Variants in SLC28A1 observed in about 807,000 individuals in gnomAD.
SLC28A1 encodes sodium/nucleoside cotransporter 1.
Under a neutral mutation model 74.8 loss-of-function variants are expected in SLC28A1, and 64 were observed. That is an observed-to-expected ratio of 0.86 (90% confidence interval 0.70 to 1.05). The LOEUF (loss-of-function observed/expected upper bound fraction) is 1.05. SLC28A1 is among the 50% of genes least tolerant of loss of function. The pLI is 0.00. For missense variants in SLC28A1, 828 were observed against 822.8 expected (o/e 1.01, Z -0.08); for synonymous variants, 359 against 335.0 (o/e 1.07, Z -0.78).
chr15:84,891,361 C>A (rs571362268), intron 5 of SLC28A1, among the ~76,000 whole-genome samples: 1 of 152,242 alleles, frequency 6.6e-6, no homozygotes, highest in East Asian at 1.9e-4. Flanking sequence ...GCCCCAGGGG[C>A]CTGCTCGGGT....
the SLC28A1 span, among the ~76,000 whole-genome samples, chr15:84,970,441 T>C: frequency 6.6e-6 from 1 of 151,944 alleles, no homozygotes; most frequent in East Asian, 1.9e-4. Context: ...ATGGGAAGGG[T>C]CTATACAGGA....
At chr15:84,895,166 A>C (rs8187753) in intron 6 of SLC28A1, 43 bp downstream of exon 6, 653,060 of 1,607,412 alleles carry the variant, frequency 0.41, 138,802 homozygotes, top group East Asian at 0.67. Context: ...GGGAGGGCCC[A>C]TGAGCTGAGG....
intron 1 of SLC28A1, chr15:84,886,450 T>G: frequency 2.0e-6 from 2 of 985,230 alleles, no homozygotes; most frequent in Non-Finnish European, 2.4e-6. Flanking sequence ...CTGGAAGAGG[T>G]CAGTTTGGGA....
intron 1 of SLC28A1, chr15:84,886,357 G>A: frequency 1.0e-6 from 1 of 985,314 alleles, no homozygotes; most frequent in Non-Finnish European, 1.2e-6. Flanking sequence ...CAGCCTGGCT[G>A]GGGAAAGGAG....
chr15:84,920,543 C>T (rs756978400), intron 10 of SLC28A1, among the ~76,000 whole-genome samples: 3 of 152,112 alleles, frequency 2.0e-5, no homozygotes, highest in Non-Finnish European at 4.4e-5. Flanking sequence ...TCTAGTTCCA[C>T]AGCATGTTAG....
At chr15:84,925,904 T>C (rs1289007122) in intron 12 of SLC28A1, among the ~76,000 whole-genome samples, 1 of 152,018 alleles carries the variant, frequency 6.6e-6, no homozygotes, top group East Asian at 1.9e-4. Context: ...TTCTAAGTGA[T>C]ATGAAACCCT....
chr15:84,910,947 G>A (rs1968110862), intron 9 of SLC28A1, among the ~76,000 whole-genome samples: 1 of 152,210 alleles, frequency 6.6e-6, no homozygotes, highest in African/African-American at 2.4e-5. Flanking sequence ...AGCTAGGCAG[G>A]AAGAGGAAAT....
chr15:84,885,460 G>A (rs531341976), intron 1 of SLC28A1, among the ~76,000 whole-genome samples: 32 of 151,784 alleles, frequency 2.1e-4, no homozygotes, highest in African/African-American at 7.2e-4. Context: ...GGCCAGGCGC[G>A]GTGGCTCATG....
chr15:84,945,341 T>G lies in SLC28A1; in HGVS notation c.*141T>G, dbSNP rs8025045. 659,636 of 750,166 alleles carry G rather than the reference T, an allele frequency of 0.88. 290,566 individuals carry two copies. Among genetic ancestry groups the G allele is most frequent in the East Asian group, 0.96 (35,648 of 37,182 alleles). The allele number at this position is 750,166 out of a possible 1,614,324, so 46.5% of individuals were successfully genotyped here. On this transcript the variant is annotated 3_prime_UTR_variant, in exon 19 of 19. Transcript: ENST00000394573. ...AGCTCAATCCCACAATTGGGAAGGGTTCATGGAGTGAGTGTGCAGAGAGTG... is the reference window on the plus strand; with the variant it reads ...AGCTCAATCCCACAATTGGGAAGGGGTCATGGAGTGAGTGTGCAGAGAGTG...
the SLC28A1 span, among the ~76,000 whole-genome samples, chr15:84,962,903 C>A: frequency 6.6e-6 from 1 of 152,166 alleles, no homozygotes; most frequent in African/African-American, 2.4e-5. Context: ...GAGCACAGAG[C>A]TTTCGCCCCT....
At chr15:84,899,873 T>C (rs1461825923) in intron 6 of SLC28A1, among the ~76,000 whole-genome samples, 12 of 141,534 alleles carry the variant, frequency 8.5e-5, no homozygotes, top group Non-Finnish European at 1.4e-4. Flanking sequence ...GCCTGGGCGA[T>C]AGAGGGAGAT....
intron 3 of SLC28A1, among the ~76,000 whole-genome samples, chr15:84,888,270 C>T (rs938979419): frequency 1.3e-5 from 2 of 152,170 alleles, no homozygotes; most frequent in African/African-American, 4.8e-5. Context: ...GGTCGAGGCA[C>T]ACCACCCAGA....
intron 11 of SLC28A1, 88 bp downstream of exon 11, chr15:84,921,157 T>C (rs1596309486): frequency 2.0e-6 from 2 of 1,008,822 alleles, no homozygotes; most frequent in Middle Eastern, 2.8e-4. Context: ...TCTGATTCAG[T>C]CCAAGGAAGA....
Position 84,886,711 on chromosome 15 carries a change from C to T in SLC28A1, c.-93C>T, listed in dbSNP as rs1261106893. The T allele has an allele frequency of 6.1e-6, 6 of 985,416 alleles. No homozygotes were observed. Among genetic ancestry groups the T allele is most frequent in the Non-Finnish European group, 7.2e-6 (6 of 829,978 alleles). 61.0% of individuals were successfully genotyped at this position (985,416 alleles called of 1,614,324 possible). On this transcript the variant is annotated 5_prime_UTR_variant, in exon 2 of 19. Coordinates refer to ENST00000394573, the MANE Select transcript of SLC28A1 (RefSeq NM_004213.5). ...GTGACAAGGCAAGCCAGAGCCAAAGCAGGTTGGACCCAGCTTGTCCCCACA... is the reference window on the plus strand; with the variant it reads ...GTGACAAGGCAAGCCAGAGCCAAAGTAGGTTGGACCCAGCTTGTCCCCACA...
At chr15:84,966,852 G>C in the SLC28A1 span, among the ~76,000 whole-genome samples, 115 of 152,240 alleles carry the variant, frequency 7.6e-4, 4 homozygotes, top group East Asian at 9.5e-3. Flanking sequence ...ATGAGATTTG[G>C]GTGGGGACAC....
intron 11 of SLC28A1, 122 bp from the exon 12 acceptor site, chr15:84,923,863 G>T: frequency 7.6e-7 from 1 of 1,310,804 alleles, no homozygotes; most frequent in Admixed American, 1.8e-5. Context: ...ACAGACCCTG[G>T]TCCTTACCCC....
At chr15:84,935,713 G>A (rs1368849072) in intron 15 of SLC28A1, among the ~76,000 whole-genome samples, 195 bp downstream of exon 15, 3 of 152,176 alleles carry the variant, frequency 2.0e-5, no homozygotes, top group Non-Finnish European at 4.4e-5. Context: ...AGGCCTTTTA[G>A]GAGGCTGAGG....
At chr15:84,929,451 G>C (rs1971023532) in intron 12 of SLC28A1, among the ~76,000 whole-genome samples, 1 of 151,928 alleles carries the variant, frequency 6.6e-6, no homozygotes, top group African/African-American at 2.4e-5. Flanking sequence ...GTCTGAGGTG[G>C]GAGAATTGCT....
intron 12 of SLC28A1, among the ~76,000 whole-genome samples, chr15:84,928,500 C>T (rs1233431236): frequency 6.6e-6 from 1 of 151,034 alleles, no homozygotes; most frequent in African/African-American, 2.4e-5. Context: ...CTCTCTTGCC[C>T]TTTCCTTCAA....
Sources: allele counts gnomAD v4.1 joint callset (sites outside exome capture counted in the v4.1 genomes callset), GRCh38; gene constraint gnomAD v4.1.1; transcripts MANE v1.5; gene names NCBI Gene and HGNC (gene_info 2026-07-23, HGNC 2026-07-21).